Variants in GPC5 observed in about 807,000 individuals in gnomAD.
GPC5 encodes glypican 5.
GPC5 carries 47 observed loss-of-function variants against 53.9 expected under a neutral mutation model. The ratio of observed to expected loss-of-function variants is 0.87; its 90% CI spans 0.69 to 1.11. The LOEUF (loss-of-function observed/expected upper bound fraction) is 1.11, where lower values mean the gene tolerates loss of function less well. Ranked by LOEUF, GPC5 falls within the 50% of genes most tolerant of loss-of-function variation. GPC5 has a pLI of 0.00. For synonymous variants in GPC5, 286 were observed against 263.3 expected, an observed-to-expected ratio of 1.09 and a Z score of -0.84; for missense variants, 748 against 713.1, an observed-to-expected ratio of 1.05 and a Z score of -0.56.
chr13:92,312,253 CT>C, intron 7 of GPC5, among the ~76,000 whole-genome samples: 1 of 152,176 alleles, frequency 6.6e-6, no homozygotes, highest in East Asian at 1.9e-4. Flanking sequence ...TTTCTTTTCA[CT>C]TTTCTCTTTC....
rs150984874 is a variant in GPC5, at chr13:91,674,450, T to TACAC, written c.326-18728_326-18725dup. On this transcript the variant is annotated intron_variant, in intron 2 of 7. Transcript: ENST00000377067. ...ATATATACACATATATATATACACATACACACACACACGCACATATACACA... is the reference window on the plus strand; with the variant it reads ...ATATATACACATATATATATACACATACACACACACACACACGCACATATACACA... 2.7e-5 allele frequency among the ~76,000 whole-genome samples: 4 copies of TACAC among 149,034 alleles called. No homozygotes were observed. The South Asian group carries it at 8.5e-4, about 32-fold the overall frequency.
chr13:91,771,778 T>A (rs944181315), intron 5 of GPC5, among the ~76,000 whole-genome samples: 3 of 152,154 alleles, frequency 2.0e-5, no homozygotes, highest in Admixed American at 6.6e-5. Flanking sequence ...TATAATAGAA[T>A]CATCATATAT....
intron 2 of GPC5, among the ~76,000 whole-genome samples, chr13:91,626,423 G>A (rs890482584): frequency 2.0e-5 from 3 of 152,022 alleles, no homozygotes; most frequent in Non-Finnish European, 2.9e-5. Context: ...GTATTATCCA[G>A]GCCTACCTGC....
chr13:91,528,553 T>C (rs1886192100), intron 2 of GPC5, among the ~76,000 whole-genome samples: 1 of 152,192 alleles, frequency 6.6e-6, no homozygotes, highest in Admixed American at 6.5e-5. Flanking sequence ...CATCTTCCCG[T>C]CTTCTTTTGA....
intron 2 of GPC5, among the ~76,000 whole-genome samples, chr13:91,620,814 T>C (rs2033834092): frequency 6.6e-6 from 1 of 152,182 alleles, no homozygotes; most frequent in Non-Finnish European, 1.5e-5. Context: ...ATGTGGCTAT[T>C]GGGCATAGCT....
chr13:91,662,254 A>C (rs1370344036), intron 2 of GPC5, among the ~76,000 whole-genome samples: 1 of 152,192 alleles, frequency 6.6e-6, no homozygotes, highest in Non-Finnish European at 1.5e-5. Flanking sequence ...AGTATATTGG[A>C]AATCAAGTAA....
intron 5 of GPC5, among the ~76,000 whole-genome samples, chr13:91,845,947 C>A (rs1339009709): frequency 6.6e-6 from 1 of 152,104 alleles, no homozygotes; most frequent in Non-Finnish European, 1.5e-5. Context: ...ATTATTAGAT[C>A]ACACTTAAAA....
At chr13:91,435,550 T>C (rs966590042) in intron 1 of GPC5, among the ~76,000 whole-genome samples, 3 of 152,212 alleles carry the variant, frequency 2.0e-5, no homozygotes, top group African/African-American at 7.2e-5. Flanking sequence ...TTGATCATGG[T>C]GGATAAGCTT....
intron 2 of GPC5, among the ~76,000 whole-genome samples, chr13:91,683,442 C>T (rs1374249996): frequency 6.6e-6 from 1 of 152,146 alleles, no homozygotes; most frequent in Non-Finnish European, 1.5e-5. Flanking sequence ...AGGAAACAAA[C>T]AGGATCATCC....
At chr13:91,401,379 A>C (rs1405124514) in intron 1 of GPC5, among the ~76,000 whole-genome samples, 1 of 152,036 alleles carries the variant, frequency 6.6e-6, no homozygotes, top group African/African-American at 2.4e-5. Context: ...TTTTGTATTT[A>C]TATATGATCT....
chr13:91,430,556 A>G (rs1879373590), intron 1 of GPC5, among the ~76,000 whole-genome samples: 1 of 152,186 alleles, frequency 6.6e-6, no homozygotes. Context: ...CCATTGTGCT[A>G]CTTGAGGCAG....
At chr13:92,466,068 G>C (rs1246360581) in intron 7 of GPC5, among the ~76,000 whole-genome samples, 1 of 151,912 alleles carries the variant, frequency 6.6e-6, no homozygotes, top group Non-Finnish European at 1.5e-5. Context: ...TCACCACAAA[G>C]GAATGATACA....
intron 6 of GPC5, among the ~76,000 whole-genome samples, chr13:92,061,737 A>G (rs8000430): frequency 6.6e-6 from 1 of 152,008 alleles, no homozygotes; most frequent in South Asian, 2.1e-4. Flanking sequence ...GTCCATGAAG[A>G]TATGTTTGTT....
intron 7 of GPC5, among the ~76,000 whole-genome samples, chr13:92,219,889 C>A (rs1470475184): frequency 6.6e-6 from 1 of 152,108 alleles, no homozygotes; most frequent in Non-Finnish European, 1.5e-5. Flanking sequence ...TGTAATCAGG[C>A]TCCTTAAGCC....
intron 7 of GPC5, among the ~76,000 whole-genome samples, chr13:92,639,944 T>A (rs778627528): frequency 6.6e-5 from 10 of 151,814 alleles, no homozygotes; most frequent in Non-Finnish European, 1.0e-4. Context: ...AGAAATTACT[T>A]TATAAGTGAT....
chr13:92,773,729 C>T (rs1875694221), intron 7 of GPC5, among the ~76,000 whole-genome samples: 1 of 152,148 alleles, frequency 6.6e-6, no homozygotes, highest in Non-Finnish European at 1.5e-5. Flanking sequence ...GTCTTCCATT[C>T]TCTCTTTGTA....
In GPC5 at chr13:92,144,410, G is replaced by A. The variant is rs192341843; in HGVS notation, c.1402-420G>A. ...GACAGAATCATTTTCTGGAAGAGTC[G>A]TACTTCTTCAGAAATACGGAGTGTG... On this transcript the variant is annotated intron_variant, in intron 6 of 7. Transcript: ENST00000377067. Among the ~76,000 whole-genome samples, 406 of 152,228 alleles carry A rather than the reference G, an allele frequency of 2.7e-3. 3 individuals carry two copies. Among genetic ancestry groups the A allele is most frequent in the African/African-American group, 8.3e-3 (344 of 41,526 alleles).
intron 2 of GPC5, among the ~76,000 whole-genome samples, chr13:91,603,189 T>C (rs1230810140): frequency 6.6e-6 from 1 of 152,200 alleles, no homozygotes; most frequent in Admixed American, 6.5e-5. Context: ...GTAAGATCCC[T>C]CTTGTTTGAA....
chr13:92,711,172 T>C (rs890421664), intron 7 of GPC5, among the ~76,000 whole-genome samples: 4 of 152,174 alleles, frequency 2.6e-5, no homozygotes, highest in African/African-American at 9.6e-5. Flanking sequence ...GGTCAAATCA[T>C]AAGAGTTGCA....
Sources: gnomAD v4.1 joint callset for allele counts (sites outside exome capture counted in the v4.1 genomes callset) on GRCh38, gnomAD v4.1.1 for gene constraint, MANE v1.5 for transcripts, NCBI Gene and HGNC (gene_info 2026-07-23, HGNC 2026-07-21) for gene names.